The following LHFPL2 variants were observed in gnomAD, a reference collection of about 807,000 sequenced individuals.
LHFPL2 encodes LHFPL tetraspan subfamily member 2.
Under a neutral mutation model 17.5 loss-of-function variants are expected in LHFPL2, and 7 were observed. That is an observed-to-expected ratio of 0.40 (90% CI 0.23 to 0.75). The LOEUF (loss-of-function observed/expected upper bound fraction) is 0.75. Ranked by LOEUF, LHFPL2 falls within the 30% of genes least tolerant of loss-of-function variation. The pLI, the probability that LHFPL2 is intolerant of heterozygous loss-of-function variation, is 0.37. For synonymous variants in LHFPL2, 134 were observed against 116.2 expected (o/e 1.15, Z -0.99); for missense variants, 241 against 294.8 (o/e 0.82, Z 1.34).
chr5:78,509,543 T>C (rs1755036752), intron 4 of LHFPL2, among the ~76,000 whole-genome samples: 1 of 152,084 alleles, frequency 6.6e-6, no homozygotes, highest in African/African-American at 2.4e-5. Flanking sequence ...AAATAAGCAA[T>C]GAGGAGGACC....
intron 2 of LHFPL2, among the ~76,000 whole-genome samples, chr5:78,611,804 C>G (rs539512421): frequency 6.6e-6 from 1 of 152,220 alleles, no homozygotes; most frequent in East Asian, 1.9e-4. Context: ...CATGTAGGAG[C>G]ACAAACTTTT....
At chr5:78,521,523 T>G (rs932112299) in intron 3 of LHFPL2, among the ~76,000 whole-genome samples, 1 of 152,254 alleles carries the variant, frequency 6.6e-6, no homozygotes, top group Admixed American at 6.5e-5. Flanking sequence ...ATGGATAGAT[T>G]TAAATTTTTT....
intron 3 of LHFPL2, among the ~76,000 whole-genome samples, chr5:78,545,546 G>A (rs757684859): frequency 2.4e-4 from 37 of 152,284 alleles, no homozygotes; most frequent in Admixed American, 6.5e-4. Context: ...TTCTCCCTGA[G>A]GGCCTCACTT....
chr5:78,616,503 G>A (rs967806756), intron 2 of LHFPL2, among the ~76,000 whole-genome samples: 10 of 152,066 alleles, frequency 6.6e-5, no homozygotes, highest in Non-Finnish European at 1.5e-5. Context: ...TCACGAAAGA[G>A]GTTACAGTAA....
intron 3 of LHFPL2, among the ~76,000 whole-genome samples, chr5:78,518,981 T>C (rs1755369047): frequency 6.6e-6 from 1 of 152,110 alleles, no homozygotes; most frequent in African/African-American, 2.4e-5. Flanking sequence ...TAAGAGATGC[T>C]TCCCAACTCC....
Position 78,522,242 on chromosome 5 carries a change from C to T in LHFPL2, c.-185-11844G>A, listed in dbSNP as rs138875865. 5.9e-3 allele frequency among the ~76,000 whole-genome samples: 894 copies of T among 152,116 alleles called. 35 individuals carry two copies. In the East Asian group the frequency reaches 0.1, roughly 18 times the overall value. On this transcript the variant is annotated intron_variant, in intron 3 of 4. Coordinates refer to ENST00000380345, the MANE Select transcript of LHFPL2 (RefSeq NM_005779.3). ...CCTGAGCTCAGGAGTTTGAGACCAG[C>T]CTGACCAACATGGCAAAACCCTGTC...
At position 78,488,862 on chromosome 5, in the gene LHFPL2, T is replaced by TA. The variant is rs747958398; in HGVS notation, c.*34dup. ...GAAACTGTGGACTGTTTCACAAGAT[T>TA]ACTCAAGGGAGAAAATGGCATTGTC... On this transcript the variant is annotated 3_prime_UTR_variant, in exon 5 of 5. Transcript: ENST00000380345. 1.2e-6 allele frequency: 2 copies of TA among 1,607,230 alleles called. No homozygotes were observed. Among genetic ancestry groups the TA allele is most frequent in the Non-Finnish European group, 1.7e-6 (2 of 1,176,692 alleles).
chr5:78,645,578 ACACACACACACAC>A (rs1447650991), intron 1 of LHFPL2, among the ~76,000 whole-genome samples: 5 of 150,458 alleles, frequency 3.3e-5, no homozygotes, highest in African/African-American at 1.2e-4. Flanking sequence ...ACACACACAC[ACACACACACACAC>A]ATTTTTTTTG....
At position 78,583,489 on chromosome 5, in the gene LHFPL2, A is replaced by T. The variant is rs1260373575; in HGVS notation, c.-244-18618T>A. Among the ~76,000 whole-genome samples, 8 of 144,856 alleles carry T rather than the reference A, an allele frequency of 5.5e-5. No individual in the cohort carries two copies. The East Asian group carries it at 1.2e-3, about 22-fold the overall frequency. ...TTAGGGCAGGCCTGGTGGTGACAAA[A>T]TCTCTCAGCATTTGCTTGTCTGTAA... On this transcript the variant is annotated intron_variant, in intron 2 of 4. Coordinates refer to ENST00000380345, the MANE Select transcript of LHFPL2 (RefSeq NM_005779.3).
intron 3 of LHFPL2, among the ~76,000 whole-genome samples, chr5:78,517,271 G>T (rs776060699): frequency 1.6e-4 from 25 of 152,156 alleles, no homozygotes; most frequent in Non-Finnish European, 3.2e-4. Context: ...ATCCCCCACT[G>T]AGCTCTTTTG....
At chr5:78,565,286 C>T (rs1756830844) in intron 2 of LHFPL2, among the ~76,000 whole-genome samples, 1 of 152,190 alleles carries the variant, frequency 6.6e-6, no homozygotes, top group African/African-American at 2.4e-5. Flanking sequence ...ATCCTAGCAG[C>T]ACTTTATATC....
At chr5:78,506,253 G>T (rs1211619219) in intron 4 of LHFPL2, among the ~76,000 whole-genome samples, 6 of 152,202 alleles carry the variant, frequency 3.9e-5, no homozygotes, top group African/African-American at 1.4e-4. Flanking sequence ...ACACAAGCCT[G>T]TGGCCTATTT....
intron 3 of LHFPL2, among the ~76,000 whole-genome samples, chr5:78,511,136 T>G (rs1299338569): frequency 6.6e-6 from 1 of 151,602 alleles, no homozygotes; most frequent in Non-Finnish European, 1.5e-5. Flanking sequence ...GTTCATGACT[T>G]ACTTGGGGAA....
chr5:78,512,737 C>A (rs1755173076), intron 3 of LHFPL2, among the ~76,000 whole-genome samples: 1 of 150,666 alleles, frequency 6.6e-6, no homozygotes, highest in Non-Finnish European at 1.5e-5. Flanking sequence ...TTTCCCATCC[C>A]TTTTCTCTGT....
At chr5:78,589,208 C>T (rs1743537664) in intron 2 of LHFPL2, among the ~76,000 whole-genome samples, 1 of 152,070 alleles carries the variant, frequency 6.6e-6, no homozygotes, top group Non-Finnish European at 1.5e-5. Context: ...CAGTGGCTCA[C>T]GCCTGTAATC....
At chr5:78,490,865 T>TTAGA (rs1413396048) in intron 4 of LHFPL2, among the ~76,000 whole-genome samples, 19 of 152,194 alleles carry the variant, frequency 1.2e-4, no homozygotes, top group African/African-American at 4.6e-4. Flanking sequence ...TTCCCACTTT[T>TTAGA]TAGATACTGG....
At position 78,597,558 on chromosome 5, in the gene LHFPL2, T is replaced by G. The variant is rs183174660; in HGVS notation, c.-244-32687A>C. 2.5e-3 allele frequency among the ~76,000 whole-genome samples: 377 copies of G among 152,294 alleles called. 3 individuals carry two copies. Among genetic ancestry groups the G allele is most frequent in the Non-Finnish European group, 4.1e-3 (276 of 68,020 alleles). On this transcript the variant is annotated intron_variant, in intron 2 of 4. Transcript: ENST00000380345. ...AGAGTGGTGAACTGACGTAGCAGAT[T>G]ATGGAAGACTGTGAACAAGCAGCTT...
At chr5:78,627,814 C>G (rs558316124) in intron 2 of LHFPL2, among the ~76,000 whole-genome samples, 1 of 152,190 alleles carries the variant, frequency 6.6e-6, no homozygotes, top group African/African-American at 2.4e-5. Flanking sequence ...GAATAATGCT[C>G]AACTCAAAGG....
intron 2 of LHFPL2, among the ~76,000 whole-genome samples, chr5:78,573,490 G>T (rs1489965134): frequency 1.3e-5 from 2 of 152,230 alleles, no homozygotes; most frequent in East Asian, 1.9e-4. Context: ...AGAAGAGTTG[G>T]TCAGGGAAGT....
Sources: gnomAD v4.1 joint callset for allele counts (sites outside exome capture counted in the v4.1 genomes callset) on GRCh38, gnomAD v4.1.1 for gene constraint, MANE v1.5 for transcripts, NCBI Gene and HGNC (gene_info 2026-07-23, HGNC 2026-07-21) for gene names.